The following ARHGAP22 variants were observed in gnomAD, a reference collection of about 807,000 sequenced individuals.
The protein encoded by ARHGAP22 is Rho GTPase activating protein 22.
Under a neutral mutation model 59.1 loss-of-function variants are expected in ARHGAP22, and 48 were observed. The ratio of observed to expected loss-of-function variants is 0.81; its 90% CI spans 0.64 to 1.03. The LOEUF is 1.03. ARHGAP22 is among the 50% of genes least tolerant of loss of function. The probability of loss-of-function intolerance (pLI) is 0.00; values close to 1 mark genes in which losing one functional copy is unlikely to be tolerated. For missense variants in ARHGAP22, 1,015 were observed against 958.7 expected (o/e 1.06, Z -0.78); for synonymous variants, 445 against 416.4 (o/e 1.07, Z -0.84).
At position 48,593,080 on chromosome 10, in the gene ARHGAP22, C is replaced by A. The variant is rs1456555617; in HGVS notation, c.35-9928G>T. ...GCTGTTCCTACAGACATGTGCCCAG[C>A]ATCTGGCTCTACACCTGCCATATGC... On this transcript the variant is annotated intron_variant, in intron 1 of 9. Coordinates refer to ENST00000249601, the MANE Select transcript of ARHGAP22 (RefSeq NM_021226.4). 3.3e-5 allele frequency among the ~76,000 whole-genome samples: 5 copies of A among 152,356 alleles called. No homozygotes were observed. The East Asian group carries it at 9.6e-4, about 29-fold the overall frequency.
At chr10:48,488,683 C>T (rs1250809303) in intron 3 of ARHGAP22, among the ~76,000 whole-genome samples, 5 of 152,200 alleles carry the variant, frequency 3.3e-5, no homozygotes, top group Non-Finnish European at 7.3e-5. Flanking sequence ...GTCTTGCAGG[C>T]AGGAACAGGT....
intron 3 of ARHGAP22, among the ~76,000 whole-genome samples, chr10:48,494,310 C>A (rs1323449824): frequency 6.6e-6 from 1 of 152,162 alleles, no homozygotes; most frequent in Non-Finnish European, 1.5e-5. Context: ...ATGGTGTCTC[C>A]CTTGCCTCTG....
intron 1 of ARHGAP22, among the ~76,000 whole-genome samples, chr10:48,594,915 G>T (rs1385916051): frequency 1.3e-5 from 2 of 150,016 alleles, no homozygotes; most frequent in African/African-American, 4.9e-5. Flanking sequence ...TCCCCTGAGG[G>T]TCTCGTTAAT....
chr10:48,620,403 C>T (rs574395198), intron 1 of ARHGAP22, among the ~76,000 whole-genome samples: 12 of 152,262 alleles, frequency 7.9e-5, no homozygotes, highest in Admixed American at 2.6e-4. Context: ...GGGACTTTCT[C>T]GAGTCACTCA....
intron 1 of ARHGAP22, among the ~76,000 whole-genome samples, chr10:48,593,855 C>T (rs954507698): frequency 6.6e-5 from 10 of 152,106 alleles, no homozygotes; most frequent in Admixed American, 4.6e-4. Context: ...GTATTCTCAG[C>T]GGGTGCTCGT....
intron 3 of ARHGAP22, among the ~76,000 whole-genome samples, chr10:48,514,377 A>G (rs1466940338): frequency 6.6e-6 from 1 of 151,720 alleles, no homozygotes; most frequent in East Asian, 1.9e-4. Context: ...GATTCTCATT[A>G]AAATTAACAG....
chr10:48,577,799 TG>T (rs2058824232), intron 2 of ARHGAP22, among the ~76,000 whole-genome samples: 15 of 68,578 alleles, frequency 2.2e-4, no homozygotes, highest in African/African-American at 1.1e-3. Context: ...TGCTCTTTTT[TG>T]GTTTTTTTTT....
intron 1 of ARHGAP22, among the ~76,000 whole-genome samples, chr10:48,634,922 C>A (rs549350899): frequency 6.6e-6 from 1 of 152,090 alleles, no homozygotes; most frequent in African/African-American, 2.4e-5. Context: ...TGTGAAGACA[C>A]AGGAAGAAGG....
intron 3 of ARHGAP22, among the ~76,000 whole-genome samples, chr10:48,507,701 G>A (rs2052290802): frequency 6.6e-6 from 1 of 152,114 alleles, no homozygotes; most frequent in Non-Finnish European, 1.5e-5. Flanking sequence ...ATGTATCCAT[G>A]TGCTGAGGAC....
chr10:48,570,442 G>A (rs1194207487), intron 2 of ARHGAP22, among the ~76,000 whole-genome samples: 1 of 152,192 alleles, frequency 6.6e-6, no homozygotes, highest in Non-Finnish European at 1.5e-5. Flanking sequence ...AACTCAAGGT[G>A]CTCTCTAACG....
At chr10:48,440,310 TTCTG>T in the ARHGAP22 span, among the ~76,000 whole-genome samples, 1 of 152,224 alleles carries the variant, frequency 6.6e-6, no homozygotes, top group Admixed American at 6.5e-5. Context: ...AATTTTAGGT[TTCTG>T]TCTAACATGT....
chr10:48,451,396 G>A (rs1276346150), intron 8 of ARHGAP22: 4 of 707,936 alleles, frequency 5.7e-6, no homozygotes, highest in South Asian at 3.0e-5. Flanking sequence ...CTGTGCCTGC[G>A]CTCACGCCCT....
At chr10:48,483,935 C>T (rs1227086417) in intron 3 of ARHGAP22, among the ~76,000 whole-genome samples, 4 of 152,154 alleles carry the variant, frequency 2.6e-5, no homozygotes, top group South Asian at 2.1e-4. Context: ...GAAGCCTTAG[C>T]CATAAAGTCT....
At chr10:48,477,650 T>C (rs77989569) in intron 4 of ARHGAP22, among the ~76,000 whole-genome samples, 2,102 of 152,380 alleles carry the variant, frequency 0.014, 54 homozygotes, top group African/African-American at 0.047. Context: ...AACTGTCTTT[T>C]TCATTCAGTC....
At chr10:48,596,439 GC>G (rs1341962617) in intron 1 of ARHGAP22, among the ~76,000 whole-genome samples, 1 of 152,178 alleles carries the variant, frequency 6.6e-6, no homozygotes, top group Non-Finnish European at 1.5e-5. Flanking sequence ...TTGGGGTGGG[GC>G]TGGCTGGAGG....
intron 1 of ARHGAP22, among the ~76,000 whole-genome samples, chr10:48,615,190 C>G (rs539404444): frequency 6.6e-6 from 1 of 152,324 alleles, no homozygotes; most frequent in African/African-American, 2.4e-5. Context: ...CCTCTAGACT[C>G]TGCTCAAGCA....
chr10:48,470,750 G>A (rs1454976218), intron 4 of ARHGAP22, among the ~76,000 whole-genome samples: 1 of 152,228 alleles, frequency 6.6e-6, no homozygotes, highest in East Asian at 1.9e-4. Context: ...CCTTTTGGAA[G>A]GGCTGCCTGG....
upstream of ARHGAP22, among the ~76,000 whole-genome samples, chr10:48,609,760 A>G (rs1193264129): frequency 2.0e-5 from 3 of 152,168 alleles, no homozygotes; most frequent in African/African-American, 7.2e-5. Context: ...TTCCATGCCC[A>G]AGGCCACGGG....
In ARHGAP22 at chr10:48,454,124, G is replaced by C; in HGVS notation, c.830C>G (p.Pro277Arg). ...LELAKQVSNL[P>R]QANYNLLRYI... The stretch of plus-strand genomic sequence containing the variant: ...TCTGAGCAGGTTGTAATTTGCCTGA[G>C]GAAGGTTGCTCACTTGTTTAGCCAA... The change falls in exon 7 of 10, where the codon CCT (proline) becomes CGT (arginine). Residue 277 changes from proline (P) to arginine (R), a missense_variant. By Grantham distance (103) the Pro-to-Arg change is moderately radical. Transcript: ENST00000249601. 6.2e-7 allele frequency: 1 copy of C among 1,614,096 alleles called. No homozygotes were observed. Among genetic ancestry groups the C allele is most frequent in the Non-Finnish European group, 8.5e-7 (1 of 1,179,982 alleles).
Sources: gnomAD v4.1 joint callset for allele counts (sites outside exome capture counted in the v4.1 genomes callset) on GRCh38, gnomAD v4.1.1 for gene constraint, MANE v1.5 for transcripts, NCBI Gene and HGNC (gene_info 2026-07-23, HGNC 2026-07-21) for gene names.